Variants in DCLK1 observed in about 807,000 individuals in gnomAD.
The protein encoded by DCLK1 is doublecortin like kinase 1, also known as serine/threonine-protein kinase DCLK1.
DCLK1 carries 16 observed loss-of-function variants against 86.2 expected under a neutral mutation model. That is an observed-to-expected ratio of 0.19 (90% CI 0.13 to 0.28). The LOEUF is 0.28. DCLK1 is among the 10% of genes least tolerant of loss of function. The pLI is 1.00. For missense variants in DCLK1, 590 were observed against 940.2 expected (o/e 0.63, Z 4.87); for synonymous variants, 369 against 370.5 (o/e 1.00, Z 0.05).
At position 36,097,834 on chromosome 13, in the gene DCLK1, T is replaced by C. The variant is rs190559134; in HGVS notation, c.723+14035A>G. Reference sequence around the variant, plus strand: ...CACACCAATAAAGCTCAGCAATAAATTGTGAGCATTCTTACCAAAAAAAAA... The same window carrying C: ...CACACCAATAAAGCTCAGCAATAAACTGTGAGCATTCTTACCAAAAAAAAA... On this transcript the variant is annotated intron_variant, in intron 3 of 16. Coordinates refer to ENST00000360631, the MANE Select transcript of DCLK1 (RefSeq NM_001330071.2). 4.9e-3 allele frequency among the ~76,000 whole-genome samples: 746 copies of C among 152,158 alleles called. 4 individuals carry two copies. Among genetic ancestry groups the C allele is most frequent in the African/African-American group, 0.017 (702 of 41,490 alleles).
chr13:36,004,788 G>A (rs1036776233), intron 3 of DCLK1, among the ~76,000 whole-genome samples: 1 of 152,070 alleles, frequency 6.6e-6, no homozygotes, highest in Non-Finnish European at 1.5e-5. Context: ...ATGTTGTCCA[G>A]GCTGGTCTCA....
intron 5 of DCLK1, among the ~76,000 whole-genome samples, chr13:35,869,347 T>C (rs1872097543): frequency 6.6e-6 from 1 of 152,164 alleles, no homozygotes; most frequent in African/African-American, 2.4e-5. Context: ...AATTCTCTTT[T>C]CTCCCAGGTG....
chr13:35,812,407 G>A (rs896944014), intron 11 of DCLK1, among the ~76,000 whole-genome samples: 1 of 152,320 alleles, frequency 6.6e-6, no homozygotes, highest in Middle Eastern at 3.4e-3. Context: ...ATATTCTCCT[G>A]TTCTCACTCT....
intron 6 of DCLK1, chr13:35,847,493 T>C (rs1870266764): frequency 2.0e-6 from 2 of 985,020 alleles, no homozygotes; most frequent in South Asian, 4.7e-5. Flanking sequence ...TGTATAGATA[T>C]ATGGCCACAT....
chr13:35,949,429 A>G (rs147611631), intron 3 of DCLK1, among the ~76,000 whole-genome samples: 33 of 152,290 alleles, frequency 2.2e-4, no homozygotes, highest in African/African-American at 7.5e-4. Context: ...CACAGGAAAG[A>G]CAGAACAGTT....
chr13:35,915,660 C>T (rs759822908), intron 4 of DCLK1, among the ~76,000 whole-genome samples: 5 of 151,878 alleles, frequency 3.3e-5, no homozygotes, highest in Non-Finnish European at 5.9e-5. Context: ...GCTGTGATCA[C>T]ACCACTGCAC....
At chr13:36,013,340 T>C (rs1416849879) in intron 3 of DCLK1, among the ~76,000 whole-genome samples, 1 of 151,196 alleles carries the variant, frequency 6.6e-6, no homozygotes, top group African/African-American at 2.4e-5. Context: ...TGTTCTGTTT[T>C]TTCCCCATCT....
intron 6 of DCLK1, chr13:35,850,780 C>T: frequency 6.3e-7 from 1 of 1,593,716 alleles, no homozygotes; most frequent in Non-Finnish European, 8.5e-7. Context: ...ACAGGTCCTG[C>T]AAGATGAAGG....
intron 6 of DCLK1, among the ~76,000 whole-genome samples, chr13:35,843,174 C>G (rs544783541): frequency 6.6e-6 from 1 of 152,106 alleles, no homozygotes; most frequent in Non-Finnish European, 1.5e-5. Flanking sequence ...CACATGCCAA[C>G]AAGATTTTAT....
chr13:35,859,894 CT>C (rs1333870714), intron 5 of DCLK1, among the ~76,000 whole-genome samples: 2 of 152,208 alleles, frequency 1.3e-5, no homozygotes, highest in Non-Finnish European at 2.9e-5. Context: ...GTTAACACTT[CT>C]TTTTGCAGTC....
In DCLK1 at chr13:35,951,333, C is replaced by T. The variant is rs1187494283; in HGVS notation, c.724-3876G>A. Reference sequence around the variant, plus strand: ...TGGATGGATGATATGGATAGATGGACGGATGGAAGAACTATGTCCTAACCT... The same window carrying T: ...TGGATGGATGATATGGATAGATGGATGGATGGAAGAACTATGTCCTAACCT... On this transcript the variant is annotated intron_variant, in intron 3 of 16. Coordinates refer to ENST00000360631, the MANE Select transcript of DCLK1 (RefSeq NM_001330071.2). Among the ~76,000 whole-genome samples, 6 of 150,976 alleles carry T rather than the reference C, an allele frequency of 4.0e-5. No individual in the cohort carries two copies. In the South Asian group the frequency reaches 6.3e-4, roughly 16 times the overall value.
intron 16 of DCLK1, among the ~76,000 whole-genome samples, chr13:35,785,127 A>G (rs1381495842): frequency 2.0e-5 from 3 of 151,954 alleles, no homozygotes; most frequent in Non-Finnish European, 4.4e-5. Context: ...TCTCATGTTT[A>G]GCTTATGTCT....
At chr13:35,919,180 C>T (rs1875629075) in intron 4 of DCLK1, among the ~76,000 whole-genome samples, 1 of 152,196 alleles carries the variant, frequency 6.6e-6, no homozygotes, top group Non-Finnish European at 1.5e-5. Context: ...CCATCAGCCA[C>T]CACACTCGGC....
chr13:35,991,387 TGTG>T (rs1003205965), intron 3 of DCLK1, among the ~76,000 whole-genome samples: 1 of 152,096 alleles, frequency 6.6e-6, no homozygotes, highest in Non-Finnish European at 1.5e-5. Flanking sequence ...AAAGGCCAGA[TGTG>T]GTGGCTCACA....
chr13:35,810,900 G>A lies in DCLK1; in HGVS notation c.1623C>T (p.Asp541=), dbSNP rs546251748. ...LGDFGLATIV[D]GPLYTVCGTP... The stretch of plus-strand genomic sequence containing the variant: ...TGCCACAGACTGTGTACAGGGGGCC[G>A]TCTACAATGGTGGCCAGTCCAAAGT... Residue 541 remains aspartate, a synonymous_variant, in exon 12 of 17, where the codon GAC becomes GAT. Transcript: ENST00000360631. 6.2e-5 allele frequency: 100 copies of A among 1,613,978 alleles called. 1 individual carries two copies. The South Asian group carries it at 8.9e-4, about 14-fold the overall frequency.
Position 35,898,548 on chromosome 13 carries a change from A to T in DCLK1, c.824-27208T>A, listed in dbSNP as rs145994100. 1.6e-4 allele frequency among the ~76,000 whole-genome samples: 24 copies of T among 152,316 alleles called. No individual in the cohort carries two copies. The East Asian group carries it at 4.6e-3, about 29-fold the overall frequency. On this transcript the variant is annotated intron_variant, in intron 4 of 16. Coordinates refer to ENST00000360631, the MANE Select transcript of DCLK1 (RefSeq NM_001330071.2). The stretch of plus-strand genomic sequence containing the variant: ...ACCATTTAGGCATATTTGCAACAAC[A>T]TTGAAGGAAAAAAATTCAGTACCAC...
At chr13:35,807,322 C>G (rs1054333546) in intron 14 of DCLK1, among the ~76,000 whole-genome samples, 1 of 152,232 alleles carries the variant, frequency 6.6e-6, no homozygotes, top group Admixed American at 6.5e-5. Flanking sequence ...CCATCACCTT[C>G]ATCCATGTTA....
chr13:35,939,229 C>A (rs1042389300), intron 4 of DCLK1, among the ~76,000 whole-genome samples: 1 of 152,122 alleles, frequency 6.6e-6, no homozygotes, highest in Non-Finnish European at 1.5e-5. Flanking sequence ...GTATTCGGAA[C>A]ACAAAACAGA....
At chr13:35,836,493 T>C (rs1869391284) in intron 7 of DCLK1, among the ~76,000 whole-genome samples, 1 of 152,138 alleles carries the variant, frequency 6.6e-6, no homozygotes, top group Non-Finnish European at 1.5e-5. Context: ...TACAGAAAAA[T>C]AGCATTCCCA....
Sources: gnomAD v4.1 joint callset for allele counts (sites outside exome capture counted in the v4.1 genomes callset) on GRCh38, gnomAD v4.1.1 for gene constraint, MANE v1.5 for transcripts, NCBI Gene and HGNC (gene_info 2026-07-23, HGNC 2026-07-21) for gene names.